The following JPT2 variants were observed in gnomAD, a reference collection of about 807,000 sequenced individuals.
JPT2 encodes CRAMP_1 like.
A neutral mutation model predicts 15.9 loss-of-function variants in JPT2; 9 were observed. The observed-to-expected ratio is 0.57, with a 90% CI of 0.34 to 0.99. JPT2 has a LOEUF of 0.99. JPT2 is among the 50% of genes least tolerant of loss of function. The pLI is 0.02. For synonymous variants in JPT2, 95 were observed against 91.7 expected (o/e 1.04, Z -0.21); for missense variants, 267 against 252.1 (o/e 1.06, Z -0.40).
chr16:1,683,616 C>T, intron 1 of JPT2: 1 of 1,521,148 alleles, frequency 6.6e-7, no homozygotes, highest in Non-Finnish European at 8.8e-7. Flanking sequence ...CGCTTGGTTT[C>T]TGGGGTACAG....
rs1463425520 is a variant in JPT2 at position 1,699,272 on chromosome 16, G to A, written c.*274G>A. ...GAGGAACTGGAAGGGGGGTGAGGGT[G>A]GGGAGGTGGGGCAGGGCATGGTCCT... On this transcript the variant is annotated 3_prime_UTR_variant, in exon 5 of 5. Coordinates refer to ENST00000248098, the MANE Select transcript of JPT2 (RefSeq NM_144570.3). 1 of 606,128 alleles carries A rather than the reference G, an allele frequency of 1.6e-6. No homozygotes were observed. The highest frequency in any genetic ancestry group is 3.1e-6 in the Non-Finnish European group (1 of 323,740). The allele number at this position is 606,128 out of a possible 1,614,324, so 37.5% of individuals were successfully genotyped here. A position where few individuals can be genotyped will look rare whatever the true frequency, so the allele number is the denominator to read the frequency against.
Position 1,685,575 on chromosome 16 carries a change from A to G in JPT2, c.181A>G (p.Thr61Ala), listed in dbSNP as rs770199129. 6.2e-7 allele frequency: 1 copy of G among 1,614,008 alleles called. No individual in the cohort carries two copies. The highest frequency in any genetic ancestry group is 1.7e-5 in the Admixed American group (1 of 59,986). Residue 61 changes from threonine to alanine, a missense_variant, in exon 2 of 5, where the codon ACA (threonine) becomes GCA (alanine). Coordinates refer to ENST00000248098, the MANE Select transcript of JPT2 (RefSeq NM_144570.3). The part of the protein sequence containing the change: ...TEEPQNIPKR[T>A]NPPGGKGSGI... ...AGAACCTCAGAACATACCCAAGAGG[A>G]CAAATCCCCCAGGTATGGGCCTTTG...
intron 3 of JPT2, among the ~76,000 whole-genome samples, chr16:1,696,271 C>T (rs2037141120): frequency 6.6e-6 from 1 of 151,798 alleles, no homozygotes; most frequent in Non-Finnish European, 1.5e-5. Flanking sequence ...CACAGTGGCT[C>T]ACACCTGTAA....
chr16:1,693,696 T>C (rs898404164), intron 3 of JPT2, among the ~76,000 whole-genome samples: 2 of 151,726 alleles, frequency 1.3e-5, no homozygotes, highest in Non-Finnish European at 2.9e-5. Flanking sequence ...TCCAGGACCA[T>C]TGGACATCGC....
In JPT2 at chr16:1,699,216, T is replaced by G; in HGVS notation, c.*218T>G. The G allele has an allele frequency of 4.8e-6, 3 of 624,004 alleles. No homozygotes were observed. The highest frequency in any genetic ancestry group is 5.9e-6 in the Non-Finnish European group (2 of 338,626). 38.7% of individuals were successfully genotyped at this position (624,004 alleles called of 1,614,324 possible). A position where few individuals can be genotyped will look rare whatever the true frequency, so the allele number is the denominator to read the frequency against. ...CTGTGGGGATGAAATGGGGCACCCC[T>G]GGCCATCACTCATGTGTAGTCCAGG... On this transcript the variant is annotated 3_prime_UTR_variant, in exon 5 of 5. Transcript: ENST00000248098.
At chr16:1,678,973 C>T (rs935216254) in intron 1 of JPT2, among the ~76,000 whole-genome samples, 2 of 152,182 alleles carry the variant, frequency 1.3e-5, no homozygotes, top group African/African-American at 4.8e-5. Flanking sequence ...AGTTCTATCT[C>T]CTGGGAAGGT....
chr16:1,696,085 C>T (rs140191253), intron 3 of JPT2, among the ~76,000 whole-genome samples: 9 of 151,998 alleles, frequency 5.9e-5, no homozygotes, highest in East Asian at 1.9e-4. Flanking sequence ...GAAAACTAGC[C>T]GGGCATGATG....
chr16:1,692,306 C>T (rs1459132418), intron 3 of JPT2: 4 of 329,396 alleles, frequency 1.2e-5, no homozygotes, highest in Middle Eastern at 4.0e-4. Context: ...GTGCCGCAGA[C>T]GAGCTGGGCC....
At chr16:1,682,901 C>T (rs1383965478) in intron 1 of JPT2, among the ~76,000 whole-genome samples, 1 of 152,152 alleles carries the variant, frequency 6.6e-6, no homozygotes, top group East Asian at 1.9e-4. Flanking sequence ...CTTTGACCTC[C>T]TGGGCTCAAG....
chr16:1,678,528 G>GGCCCGAA, intron 1 of JPT2, among the ~76,000 whole-genome samples, 172 bp downstream of exon 1: 1 of 152,250 alleles, frequency 6.6e-6, no homozygotes, highest in African/African-American at 2.4e-5. Context: ...GCCAGACCGA[G>GGCCCGAA]GCCCGAAGCC....
intron 2 of JPT2, chr16:1,686,715 A>C (rs945245483): frequency 6.6e-6 from 1 of 151,914 alleles, no homozygotes; most frequent in East Asian, 1.9e-4. Context: ...AAATAGAAAA[A>C]GGTTTCTCTT....
chr16:1,679,121 C>G (rs2036999510), intron 1 of JPT2, among the ~76,000 whole-genome samples: 1 of 152,214 alleles, frequency 6.6e-6, no homozygotes, highest in South Asian at 2.1e-4. Flanking sequence ...GGTATTGGGA[C>G]TCGCATGAAT....
rs752349582 is a variant in JPT2, at chr16:1,691,891, G to A, written c.242G>A (p.Arg81Gln). The change falls in exon 3 of 5, where the codon CGA becomes CAA. Residue 81 changes from arginine (R) to glutamine (Q), a missense_variant. Transcript: ENST00000248098. ...GACGAATCAACCCCCGTGCAGACTCGACAGCACCTGAACCCACCTGGAGGG... is the reference window on the plus strand; with the variant it reads ...GACGAATCAACCCCCGTGCAGACTCAACAGCACCTGAACCCACCTGGAGGG... Reference protein sequence around the residue: ...IFDESTPVQTRQHLNPPGGKT... With the variant: ...IFDESTPVQTQQHLNPPGGKT... 13 of 1,614,000 alleles carry A rather than the reference G, an allele frequency of 8.1e-6. No individual in the cohort carries two copies. The Admixed American group carries it at 1.7e-4, about 21-fold the overall frequency.
intron 1 of JPT2, among the ~76,000 whole-genome samples, chr16:1,678,713 G>A (rs77667973): frequency 0.022 from 3,367 of 152,210 alleles, 235 homozygotes; most frequent in Admixed American, 0.13. Context: ...TCCTGGGGGC[G>A]GGGTGTGCCC....
intron 3 of JPT2, among the ~76,000 whole-genome samples, chr16:1,693,397 A>T (rs1357859998): frequency 6.6e-6 from 1 of 152,184 alleles, no homozygotes; most frequent in African/African-American, 2.4e-5. Context: ...GTGCCCTGCC[A>T]TGCTGTCTGA....
Position 1,685,448 on chromosome 16 carries a change from G to C in JPT2, c.54G>C (p.Lys18Asn). ...EGGRAGSRAM[K>N]PPGGESSNLF... Reference sequence around the variant, plus strand: ...TACTCTGTGCTTGTAGGGCCATGAAGCCCCCAGGAGGAGAATCGAGCAATC... The same window carrying C: ...TACTCTGTGCTTGTAGGGCCATGAACCCCCCAGGAGGAGAATCGAGCAATC... The change falls in exon 2 of 5, where the codon AAG becomes AAC. Residue 18 changes from lysine (K) to asparagine (N), a missense_variant. Coordinates refer to ENST00000248098, the MANE Select transcript of JPT2 (RefSeq NM_144570.3). 6.2e-7 allele frequency: 1 copy of C among 1,614,098 alleles called. No individual in the cohort carries two copies. The highest frequency in any genetic ancestry group is 8.5e-7 in the Non-Finnish European group (1 of 1,180,004).
chr16:1,694,710 G>A (rs900362528), intron 3 of JPT2, among the ~76,000 whole-genome samples: 9 of 151,866 alleles, frequency 5.9e-5, no homozygotes, highest in Non-Finnish European at 1.0e-4. Flanking sequence ...TTTCACAAGG[G>A]TGCCAAGATC....
At chr16:1,684,393 T>C (rs923929290) in intron 1 of JPT2, among the ~76,000 whole-genome samples, 6 of 152,174 alleles carry the variant, frequency 3.9e-5, no homozygotes, top group Non-Finnish European at 7.4e-5. Flanking sequence ...GCTCTAGAAA[T>C]AGAGCTTTGT....
chr16:1,684,322 A>G (rs1200313292), intron 1 of JPT2, among the ~76,000 whole-genome samples: 4 of 152,202 alleles, frequency 2.6e-5, no homozygotes, highest in African/African-American at 9.6e-5. Flanking sequence ...TCTCAAATGC[A>G]TTTAAAAGTT....
Sources: allele counts gnomAD v4.1 joint callset (sites outside exome capture counted in the v4.1 genomes callset), GRCh38; gene constraint gnomAD v4.1.1; transcripts MANE v1.5; gene names NCBI Gene and HGNC (gene_info 2026-07-23, HGNC 2026-07-21).